NFIB: variants seen among roughly 807,000 people sequenced by gnomAD.
The protein encoded by NFIB is nuclear factor I B, also known as nuclear factor 1 B-type.
In NFIB, 11 loss-of-function variants were observed where a neutral mutation model predicts 61.5. The ratio of observed to expected loss-of-function variants is 0.18; its 90% confidence interval spans 0.11 to 0.30. The LOEUF (loss-of-function observed/expected upper bound fraction) is 0.30, where lower values mean the gene tolerates loss of function less well. Ranked by LOEUF, NFIB falls within the 10% of genes least tolerant of loss-of-function variation. NFIB has a pLI of 1.00. For missense variants in NFIB, 471 were observed against 608.9 expected, an observed-to-expected ratio of 0.77 and a Z score of 2.38; for synonymous variants, 260 against 216.5, an observed-to-expected ratio of 1.20 and a Z score of -1.76.
intron 2 of NFIB, among the ~76,000 whole-genome samples, chr9:14,226,233 A>G (rs1438281388): frequency 6.6e-6 from 1 of 152,052 alleles, no homozygotes; most frequent in Non-Finnish European, 1.5e-5. Context: ...GCTAAAGTCT[A>G]TTAGGTAAAA....
At chr9:14,521,160 C>T in the NFIB span, among the ~76,000 whole-genome samples, 10 of 152,134 alleles carry the variant, frequency 6.6e-5, no homozygotes, top group African/African-American at 2.4e-4. Flanking sequence ...AGTTCTCCAC[C>T]CTTTCAAATT....
the NFIB span, among the ~76,000 whole-genome samples, chr9:14,486,968 T>C: frequency 6.6e-6 from 1 of 152,252 alleles, no homozygotes; most frequent in African/African-American, 2.4e-5. Context: ...GATTTACCTA[T>C]GAACTAAAAC....
chr9:14,410,185 A>C, the NFIB span, among the ~76,000 whole-genome samples: 1 of 151,016 alleles, frequency 6.6e-6, no homozygotes, highest in East Asian at 1.9e-4. Flanking sequence ...CTTTCTTGAT[A>C]CCTACTATTT....
chr9:14,132,292 T>C (rs2040489654), intron 6 of NFIB, among the ~76,000 whole-genome samples: 1 of 152,208 alleles, frequency 6.6e-6, no homozygotes, highest in Admixed American at 6.5e-5. Flanking sequence ...ATTTTACATA[T>C]TCCTAAATTG....
At chr9:14,225,481 G>GAAA (rs2052275058) in intron 2 of NFIB, among the ~76,000 whole-genome samples, 1 of 63,496 alleles carries the variant, frequency 1.6e-5, no homozygotes, top group African/African-American at 5.7e-5. Context: ...AAAAAAAAAA[G>GAAA]AAGAAGAAGA....
the NFIB span, among the ~76,000 whole-genome samples, chr9:14,486,112 G>A: frequency 6.6e-6 from 1 of 152,178 alleles, no homozygotes; most frequent in Non-Finnish European, 1.5e-5. Context: ...ATATCTTCAA[G>A]ATAAGTAAAA....
chr9:14,405,030 T>C, the NFIB span, among the ~76,000 whole-genome samples: 1 of 152,196 alleles, frequency 6.6e-6, no homozygotes, highest in Admixed American at 6.5e-5. Context: ...GTCTCCCTTT[T>C]GAGTTAGGTT....
At chr9:14,211,001 T>C (rs2050248623) in intron 2 of NFIB, among the ~76,000 whole-genome samples, 1 of 152,202 alleles carries the variant, frequency 6.6e-6, no homozygotes, top group South Asian at 2.1e-4. Context: ...TCTGTATACA[T>C]GATCATTTTT....
At chr9:14,214,837 C>T (rs879747378) in intron 2 of NFIB, among the ~76,000 whole-genome samples, 5 of 152,172 alleles carry the variant, frequency 3.3e-5, no homozygotes, top group Non-Finnish European at 5.9e-5. Flanking sequence ...CCAGTACACA[C>T]AGGAAGGAGG....
chr9:14,175,553 T>A (rs73642102), intron 3 of NFIB, among the ~76,000 whole-genome samples: 11 of 152,308 alleles, frequency 7.2e-5, no homozygotes, highest in African/African-American at 2.6e-4. Flanking sequence ...TTTACTCAGT[T>A]ATTTATTTAG....
intron 2 of NFIB, among the ~76,000 whole-genome samples, chr9:14,187,562 G>A (rs1395715565): frequency 1.3e-5 from 2 of 152,148 alleles, no homozygotes; most frequent in African/African-American, 4.8e-5. Flanking sequence ...GAACAAGAGA[G>A]TAGATATACG....
chr9:14,336,939 AAACAATGAGCC>A (rs2060892715), intron 1 of NFIB, among the ~76,000 whole-genome samples: 1 of 152,248 alleles, frequency 6.6e-6, no homozygotes, highest in Non-Finnish European at 1.5e-5. Context: ...GACAATATAT[AAACAATGAGCC>A]TGGCTGTGTT....
intron 10 of NFIB, among the ~76,000 whole-genome samples, chr9:14,101,098 TTTAA>T (rs1563784701): frequency 6.6e-6 from 1 of 152,240 alleles, no homozygotes; most frequent in Non-Finnish European, 1.5e-5. Flanking sequence ...TTCAGAATAT[TTTAA>T]TGAGATACTT....
chr9:14,301,701 A>G (rs1462970768), intron 2 of NFIB, among the ~76,000 whole-genome samples: 1 of 152,196 alleles, frequency 6.6e-6, no homozygotes, highest in Non-Finnish European at 1.5e-5. Context: ...CTGGGGCCTC[A>G]GAGTTTAACT....
At chr9:14,395,726 CTTTTTTTTTTTTTT>C (rs35417792) in intron 1 of NFIB, among the ~76,000 whole-genome samples, 1,075 of 65,806 alleles carry the variant, frequency 0.016, 43 homozygotes, top group African/African-American at 0.054. Flanking sequence ...ATTCTTTTGA[CTTTTTTTTTTTTTT>C]TTTTTTTTTT....
chr9:14,231,161 T>G (rs1275338752), intron 2 of NFIB, among the ~76,000 whole-genome samples: 1 of 140,810 alleles, frequency 7.1e-6, no homozygotes, highest in African/African-American at 2.6e-5. Context: ...TATATATATA[T>G]ATATATTCGT....
At chr9:14,250,206 G>A (rs1002704920) in intron 2 of NFIB, among the ~76,000 whole-genome samples, 3 of 152,190 alleles carry the variant, frequency 2.0e-5, no homozygotes, top group Admixed American at 6.5e-5. Flanking sequence ...GCTGAGTCAA[G>A]GAAGATAAGA....
At chr9:14,461,031 C>T in the NFIB span, among the ~76,000 whole-genome samples, 1 of 152,086 alleles carries the variant, frequency 6.6e-6, no homozygotes, top group Non-Finnish European at 1.5e-5. Flanking sequence ...CCTCCGTGCA[C>T]CCTCTTGTTC....
the NFIB span, among the ~76,000 whole-genome samples, chr9:14,444,735 CAGA>C: frequency 1.8e-4 from 28 of 152,146 alleles, no homozygotes; most frequent in Non-Finnish European, 3.8e-4. Context: ...TGAAATATGT[CAGA>C]AGAATATAAA....
Sources: gnomAD v4.1 joint callset for allele counts (sites outside exome capture counted in the v4.1 genomes callset) on GRCh38, gnomAD v4.1.1 for gene constraint, MANE v1.5 for transcripts, NCBI Gene and HGNC (gene_info 2026-07-23, HGNC 2026-07-21) for gene names.